Variants in NBAS observed in about 807,000 individuals in gnomAD.
The protein encoded by NBAS is NBAS subunit of NRZ tethering complex.
In NBAS, 219 loss-of-function variants were observed where a neutral mutation model predicts 302.5. The ratio of observed to expected loss-of-function variants is 0.72; its 90% CI spans 0.65 to 0.81. The LOEUF (loss-of-function observed/expected upper bound fraction) is 0.81. Among genes scored for constraint, NBAS ranks in the 30% least tolerant of loss-of-function variants. The pLI, the probability that NBAS is intolerant of heterozygous loss-of-function variation, is 0.00. For missense variants in NBAS, 2,932 were observed against 2,841.6 expected, an observed-to-expected ratio of 1.03 and a Z score of -0.72; for synonymous variants, 1,118 against 1,021.6, an observed-to-expected ratio of 1.09 and a Z score of -1.80.
chr2:15,062,237 A>G, the NBAS span, among the ~76,000 whole-genome samples: 1 of 152,260 alleles, frequency 6.6e-6, no homozygotes, highest in South Asian at 2.1e-4. Flanking sequence ...ACCTGCCACA[A>G]CTTTGGATCA....
chr2:15,250,178 T>C (rs962839123), intron 44 of NBAS, among the ~76,000 whole-genome samples: 11 of 152,188 alleles, frequency 7.2e-5, no homozygotes, highest in African/African-American at 2.7e-4. Context: ...AATCATCTGA[T>C]CTTTGACAAA....
At chr2:15,329,449 G>A (rs966079748) in intron 36 of NBAS, among the ~76,000 whole-genome samples, 1 of 152,170 alleles carries the variant, frequency 6.6e-6, no homozygotes, top group Non-Finnish European at 1.5e-5. Context: ...TCACCGGGAG[G>A]ACTGATCTCA....
At chr2:14,796,048 T>C in the NBAS span, among the ~76,000 whole-genome samples, 1 of 152,232 alleles carries the variant, frequency 6.6e-6, no homozygotes, top group Non-Finnish European at 1.5e-5. Context: ...AGTGTTAAAG[T>C]TTGTGTTTTT....
At chr2:15,483,995 C>T (rs1680528100) in intron 12 of NBAS, among the ~76,000 whole-genome samples, 1 of 152,156 alleles carries the variant, frequency 6.6e-6, no homozygotes, top group Admixed American at 6.5e-5. Flanking sequence ...CCTGGCTGAT[C>T]CAAGCTCACT....
chr2:14,788,785 G>A, the NBAS span, among the ~76,000 whole-genome samples: 3 of 152,204 alleles, frequency 2.0e-5, no homozygotes, highest in Admixed American at 6.5e-5. Context: ...CAGGGGTTAG[G>A]GACCCACTTG....
chr2:15,152,528 C>T, the NBAS span, among the ~76,000 whole-genome samples: 17 of 152,332 alleles, frequency 1.1e-4, no homozygotes, highest in African/African-American at 3.8e-4. Flanking sequence ...CAGCCAATCA[C>T]AGGGTGCTAA....
chr2:15,240,884 C>G (rs1255468625), intron 44 of NBAS, among the ~76,000 whole-genome samples: 1 of 152,132 alleles, frequency 6.6e-6, no homozygotes, highest in Non-Finnish European at 1.5e-5. Flanking sequence ...CCCTGTGATT[C>G]AGAAGTACAA....
the NBAS span, among the ~76,000 whole-genome samples, chr2:14,912,355 C>T: frequency 5.3e-5 from 8 of 152,116 alleles, 1 homozygote; most frequent in Admixed American, 1.3e-4. Context: ...ACTCAAGCAG[C>T]ACTAATAAAT....
chr2:15,170,094 ATT>A (rs1664223388), intron 51 of NBAS, among the ~76,000 whole-genome samples: 1 of 152,118 alleles, frequency 6.6e-6, no homozygotes, highest in African/African-American at 2.4e-5. Flanking sequence ...CACCTTTATT[ATT>A]CTTTCAGTTT....
intron 40 of NBAS, among the ~76,000 whole-genome samples, chr2:15,303,377 T>G (rs553556783): frequency 1.3e-5 from 2 of 152,172 alleles, no homozygotes; most frequent in Non-Finnish European, 2.9e-5. Context: ...GAGTAGGTAC[T>G]CTAACGCTGA....
At chr2:15,559,379 C>T (rs1664804207) in intron 1 of NBAS, among the ~76,000 whole-genome samples, 1 of 152,170 alleles carries the variant, frequency 6.6e-6, no homozygotes, top group South Asian at 2.1e-4. Flanking sequence ...ACAAAACATA[C>T]ACAGATACGT....
In NBAS at chr2:15,257,665, T is replaced by C. The variant is rs555653354; in HGVS notation, c.5724+17819A>G. On this transcript the variant is annotated intron_variant, in intron 44 of 51. Coordinates refer to ENST00000281513, the MANE Select transcript of NBAS (RefSeq NM_015909.4). Reference sequence around the variant, plus strand: ...ACCTCAGCCTGCCAAAGTGCTGGGATTACAGGCCCAATGCTGTGCTTTCAA... The same window carrying C: ...ACCTCAGCCTGCCAAAGTGCTGGGACTACAGGCCCAATGCTGTGCTTTCAA... Among the ~76,000 whole-genome samples, 16 of 152,306 alleles carry C rather than the reference T, an allele frequency of 1.1e-4. No homozygotes were observed. The East Asian group carries it at 2.9e-3, about 28-fold the overall frequency.
At chr2:15,519,163 C>T (rs1253768473) in intron 9 of NBAS, among the ~76,000 whole-genome samples, 2 of 152,202 alleles carry the variant, frequency 1.3e-5, no homozygotes, top group Non-Finnish European at 2.9e-5. Context: ...CACCCATTAA[C>T]ATTTACTAAA....
At chr2:15,348,526 T>C (rs1673202167) in intron 35 of NBAS, among the ~76,000 whole-genome samples, 1 of 152,014 alleles carries the variant, frequency 6.6e-6, no homozygotes, top group Non-Finnish European at 1.5e-5. Flanking sequence ...AAAAGGCTTT[T>C]CACAGATTTT....
intron 42 of NBAS, among the ~76,000 whole-genome samples, chr2:15,283,013 A>C (rs1359653073): frequency 6.6e-6 from 1 of 152,058 alleles, no homozygotes; most frequent in Non-Finnish European, 1.5e-5. Context: ...TACAACATAC[A>C]ACTTGCTTTT....
chr2:15,144,907 A>G, the NBAS span, among the ~76,000 whole-genome samples: 1 of 152,222 alleles, frequency 6.6e-6, no homozygotes, highest in Non-Finnish European at 1.5e-5. Flanking sequence ...TTAAGGTAAA[A>G]GCTGACAATT....
chr2:15,559,388 G>A (rs188296610), intron 1 of NBAS, among the ~76,000 whole-genome samples: 40 of 152,244 alleles, frequency 2.6e-4, no homozygotes, highest in East Asian at 2.3e-3. Flanking sequence ...ACACAGATAC[G>A]TAATTGCTAT....
chr2:14,890,124 A>C, the NBAS span, among the ~76,000 whole-genome samples: 1 of 152,186 alleles, frequency 6.6e-6, no homozygotes, highest in Non-Finnish European at 1.5e-5. Flanking sequence ...TAGAAGACCT[A>C]CTGTTTGTAA....
chr2:15,314,585 A>C (rs1289204553), intron 38 of NBAS, among the ~76,000 whole-genome samples: 3 of 152,196 alleles, frequency 2.0e-5, no homozygotes, highest in African/African-American at 7.2e-5. Context: ...ACCACAGCCC[A>C]AAAAATCCAC....
Sources: allele counts gnomAD v4.1 joint callset (sites outside exome capture counted in the v4.1 genomes callset), GRCh38; gene constraint gnomAD v4.1.1; transcripts MANE v1.5; gene names NCBI Gene and HGNC (gene_info 2026-07-23, HGNC 2026-07-21).